The following PROCR variants were observed in gnomAD, a reference collection of about 807,000 sequenced individuals.
PROCR encodes the protein endothelial protein C receptor.
A neutral mutation model predicts 24.2 loss-of-function variants in PROCR; 22 were observed. That is an observed-to-expected ratio of 0.91 (90% CI 0.65 to 1.30). The LOEUF (loss-of-function observed/expected upper bound fraction) is 1.30. Ranked by LOEUF, PROCR falls within the 50% of genes most tolerant of loss-of-function variation. The pLI is 0.00. For missense variants in PROCR, 288 were observed against 307.7 expected (o/e 0.94, Z 0.48); for synonymous variants, 137 against 139.2 (o/e 0.98, Z 0.11).
At chr20:35,185,247 G>A (rs776028941) in intron 1 of PROCR, among the ~76,000 whole-genome samples, 13 of 152,222 alleles carry the variant, frequency 8.5e-5, no homozygotes, top group Non-Finnish European at 1.2e-4. Context: ...AGACGTTGAC[G>A]TGGATGCAGC....
At chr20:35,214,848 A>T (rs538723903) in intron 1 of PROCR, among the ~76,000 whole-genome samples, 163 of 151,666 alleles carry the variant, frequency 1.1e-3, no homozygotes, top group African/African-American at 3.9e-3. Context: ...GACCTTCTCT[A>T]GATCCTGAAC....
At chr20:35,180,249 A>AATAG (rs2086065142), downstream of PROCR, among the ~76,000 whole-genome samples, 1 of 101,170 alleles carries the variant, frequency 9.9e-6, no homozygotes, top group African/African-American at 5.4e-5. Context: ...TTCCATCTCA[A>AATAG]ATAAATAAAT....
At chr20:35,174,984 G>GGGC in intron 2 of PROCR, 31 bp downstream of exon 2, 3 of 1,455,404 alleles carry the variant, frequency 2.1e-6, no homozygotes, top group Non-Finnish European at 2.7e-6. Context: ...GGCGGGGTCT[G>GGGC]GGCGGGGCTA....
intron 1 of PROCR, among the ~76,000 whole-genome samples, chr20:35,201,107 C>T (rs926322698): frequency 1.3e-4 from 20 of 151,118 alleles, no homozygotes; most frequent in African/African-American, 4.6e-4. Context: ...AGTGTTAAAA[C>T]ATTGATTTTA....
intron 1 of PROCR, 121 bp from the exon 2 acceptor site, chr20:35,174,581 C>G: frequency 3.2e-6 from 4 of 1,243,750 alleles, no homozygotes; most frequent in Non-Finnish European, 4.7e-6. Context: ...TGGGAGGGCA[C>G]ATTATAGTTT....
rs546894822 is a variant in PROCR, at chr20:35,210,025, G to T, written c.95-5868G>T. On this transcript the variant is annotated intron_variant, in intron 1 of 1. Coordinates refer to the PROCR transcript ENST00000634509. ...GAGGATCACTGGACCCCAGGAGTTTGAGACCAACCTGGGCAACATAGAGAA... is the reference window on the plus strand; with the variant it reads ...GAGGATCACTGGACCCCAGGAGTTTTAGACCAACCTGGGCAACATAGAGAA... 2.6e-5 allele frequency among the ~76,000 whole-genome samples: 4 copies of T among 152,238 alleles called. No individual in the cohort carries two copies. In the South Asian group the frequency reaches 8.3e-4, roughly 32 times the overall value.
At chr20:35,209,671 G>T (rs1017022681) in intron 1 of PROCR, among the ~76,000 whole-genome samples, 1 of 152,172 alleles carries the variant, frequency 6.6e-6, no homozygotes, top group Non-Finnish European at 1.5e-5. Flanking sequence ...GTGCAATGAT[G>T]CCAAAGTCAG....
chr20:35,190,538 T>C (rs1203466490), intron 1 of PROCR, among the ~76,000 whole-genome samples: 1 of 152,230 alleles, frequency 6.6e-6, no homozygotes, highest in Non-Finnish European at 1.5e-5. Context: ...TTTATTTTTC[T>C]CAGCAAAACA....
chr20:35,185,626 A>AC (rs1324135380), intron 1 of PROCR, among the ~76,000 whole-genome samples: 1 of 152,216 alleles, frequency 6.6e-6, no homozygotes, highest in East Asian at 1.9e-4. Context: ...AAGTGAAGTA[A>AC]CTCAGGAATG....
At chr20:35,188,802 AC>A (rs1250368522) in intron 1 of PROCR, among the ~76,000 whole-genome samples, 1 of 152,164 alleles carries the variant, frequency 6.6e-6, no homozygotes, top group Non-Finnish European at 1.5e-5. Flanking sequence ...AGGACAAAAT[AC>A]CCTTGGGTTG....
intron 1 of PROCR, among the ~76,000 whole-genome samples, chr20:35,172,690 A>C (rs561351482): frequency 6.6e-6 from 1 of 152,090 alleles, no homozygotes; most frequent in Non-Finnish European, 1.5e-5. Context: ...GGAAAATGGA[A>C]GGAGACTGGT....
At chr20:35,175,578 CTTTTT>C (rs869059685) in intron 2 of PROCR, among the ~76,000 whole-genome samples, 5 of 27,940 alleles carry the variant, frequency 1.8e-4, no homozygotes, top group African/African-American at 5.3e-4. Context: ...CCCCACCCCC[CTTTTT>C]TTTTTTTTTT....
At chr20:35,197,110 T>C (rs1307377768) in intron 1 of PROCR, among the ~76,000 whole-genome samples, 2 of 152,212 alleles carry the variant, frequency 1.3e-5, no homozygotes, top group African/African-American at 4.8e-5. Context: ...TGGTAATTCT[T>C]GCAGTATTTC....
intron 1 of PROCR, among the ~76,000 whole-genome samples, chr20:35,214,395 G>A (rs2060373260): frequency 6.6e-6 from 1 of 152,046 alleles, no homozygotes; most frequent in African/African-American, 2.4e-5. Context: ...TTTAAAAAAT[G>A]GCTGCATTGG....
At chr20:35,192,271 T>A (rs1399936799) in intron 1 of PROCR, among the ~76,000 whole-genome samples, 1 of 152,174 alleles carries the variant, frequency 6.6e-6, no homozygotes, top group Non-Finnish European at 1.5e-5. Flanking sequence ...ACAAGATTAG[T>A]CATAGCTGTA....
At chr20:35,183,155 A>G (rs2086093843) in intron 1 of PROCR, among the ~76,000 whole-genome samples, 2 of 152,192 alleles carry the variant, frequency 1.3e-5, no homozygotes, top group Admixed American at 1.3e-4. Flanking sequence ...ATTAGGAGAC[A>G]TGTTTAGGGA....
chr20:35,172,202 T>C lies in PROCR; in HGVS notation c.48T>C (p.Phe16=), dbSNP rs760344282. The C allele has an allele frequency of 6.2e-7, 1 of 1,614,210 alleles. No individual in the cohort carries two copies. Among genetic ancestry groups the C allele is most frequent in the Non-Finnish European group, 8.5e-7 (1 of 1,180,050 alleles). ...LPILLLSGWA[F]CSQDASDGLQ... ...TACTGCTGCTGTCTGGCTGGGCCTT[T>C]TGTAGCCAAGACGCCTCAGATGGTG... is the stretch of plus-strand genomic sequence containing the variant. The change falls in exon 1 of 4, where the codon TTT becomes TTC. Residue 16 remains phenylalanine (F), a synonymous_variant. Coordinates refer to ENST00000216968, the MANE Select transcript of PROCR (RefSeq NM_006404.5).
intron 1 of PROCR, among the ~76,000 whole-genome samples, chr20:35,195,840 AAAAG>A (rs1040677550): frequency 1.3e-5 from 2 of 151,120 alleles, no homozygotes; most frequent in African/African-American, 4.9e-5. Context: ...AAAAAAAAGA[AAAAG>A]AAAAGAAAGA....
downstream of PROCR, among the ~76,000 whole-genome samples, chr20:35,178,520 T>G (rs1357922075): frequency 9.6e-5 from 5 of 52,004 alleles, 1 homozygote; most frequent in South Asian, 8.8e-4. Context: ...TTTTTTTTTT[T>G]TTTTTTTTTT....
Sources: gnomAD v4.1 joint callset for allele counts (sites outside exome capture counted in the v4.1 genomes callset) on GRCh38, gnomAD v4.1.1 for gene constraint, MANE v1.5 for transcripts, NCBI Gene and HGNC (gene_info 2026-07-23, HGNC 2026-07-21) for gene names.